Variants in NR2F1-AS1 observed in about 807,000 individuals in gnomAD.
NR2F1-AS1 encodes the protein NR2F1 antisense RNA 1.
intron 4 of NR2F1-AS1, among the ~76,000 whole-genome samples, chr5:93,473,105 G>A (rs1283066073): frequency 6.6e-6 from 1 of 151,720 alleles, no homozygotes; most frequent in Admixed American, 6.6e-5. Context: ...CAGCAAGGGT[G>A]GGCTTTTCCT....
At chr5:93,438,659 C>T (rs1257089134) in intron 4 of NR2F1-AS1, 1 of 152,172 alleles carries the variant, frequency 6.6e-6, no homozygotes. Context: ...AGGATAAAGT[C>T]CAAGCTTCTT....
chr5:93,523,394 C>G (rs1447214840), intron 4 of NR2F1-AS1, among the ~76,000 whole-genome samples: 1 of 152,176 alleles, frequency 6.6e-6, no homozygotes, highest in Non-Finnish European at 1.5e-5. Context: ...GACAGAGGAC[C>G]TGGGGGAAGT....
At position 93,552,692 on chromosome 5, in the gene NR2F1-AS1, C is replaced by T. The variant is rs1232043210; in HGVS notation, n.638+1069G>A. ...ATTACAAAAAAAAAAAAAAAGGACA[C>T]GAGCAAAGCAAGACTGTAAAGAAAA... On this transcript the variant is annotated intron_variant and non_coding_transcript_variant, in intron 4 of 5. Coordinates refer to ENST00000660523, the Ensembl canonical transcript of NR2F1-AS1. Among the ~76,000 whole-genome samples the T allele has an allele frequency of 2.0e-5, 3 of 147,692 alleles. No individual in the cohort carries two copies. The East Asian group carries it at 5.9e-4, about 29-fold the overall frequency.
intron 4 of NR2F1-AS1, chr5:93,543,770 A>G (rs1203482693): frequency 1.3e-5 from 2 of 152,226 alleles, no homozygotes; most frequent in East Asian, 3.8e-4. Flanking sequence ...GGCAGCAATC[A>G]TAATGTATTT....
chr5:93,425,920 T>C (rs377480895), intron 4 of NR2F1-AS1, among the ~76,000 whole-genome samples: 302 of 152,252 alleles, frequency 2.0e-3, no homozygotes, highest in Non-Finnish European at 3.8e-3. Flanking sequence ...TTCAATAAAT[T>C]AAATTAAATT....
intron 4 of NR2F1-AS1, among the ~76,000 whole-genome samples, chr5:93,474,188 T>G (rs765310504): frequency 3.3e-5 from 5 of 152,202 alleles, no homozygotes; most frequent in Non-Finnish European, 7.4e-5. Context: ...TCTTATCACA[T>G]GTATTACTGT....
chr5:93,530,783 T>A (rs963652855), intron 4 of NR2F1-AS1, among the ~76,000 whole-genome samples: 2 of 152,200 alleles, frequency 1.3e-5, no homozygotes, highest in Non-Finnish European at 2.9e-5. Context: ...CCATGATAGT[T>A]TGGAGCTGGA....
At chr5:93,423,858 C>T (rs966286048) in intron 4 of NR2F1-AS1, among the ~76,000 whole-genome samples, 1 of 152,214 alleles carries the variant, frequency 6.6e-6, no homozygotes, top group East Asian at 1.9e-4. Flanking sequence ...ATCTTAAAGG[C>T]CTTCACTTCT....
chr5:93,441,114 C>A (rs1219154258), intron 4 of NR2F1-AS1, among the ~76,000 whole-genome samples: 1 of 152,134 alleles, frequency 6.6e-6, no homozygotes, highest in East Asian at 1.9e-4. Context: ...AATTAATCAT[C>A]TTTTTCATGT....
intron 4 of NR2F1-AS1, among the ~76,000 whole-genome samples, chr5:93,463,033 C>G (rs1408791097): frequency 6.6e-6 from 1 of 152,122 alleles, no homozygotes; most frequent in Admixed American, 6.5e-5. Context: ...TAATGAGGAG[C>G]CAAATGTTAA....
chr5:93,564,602 A>G (rs1462078838), intron 1 of NR2F1-AS1, among the ~76,000 whole-genome samples: 1 of 152,250 alleles, frequency 6.6e-6, no homozygotes, highest in African/African-American at 2.4e-5. Context: ...GCTACTGAAT[A>G]GAAACAAGAA....
chr5:93,581,888 GTCTCTCTCTCTCTCTCTGGGTCTCTC>G (rs1753092032), upstream of NR2F1-AS1, among the ~76,000 whole-genome samples: 8 of 17,508 alleles, frequency 4.6e-4, no homozygotes, highest in Non-Finnish European at 6.1e-4. Context: ...CTCTCTCTCG[GTCTCTCTCTCTCTCTCTGGGTCTCTC>G]TCTCTCTCTC....
At chr5:93,567,184 T>C (rs1752638056) in intron 1 of NR2F1-AS1, among the ~76,000 whole-genome samples, 4 of 152,132 alleles carry the variant, frequency 2.6e-5, no homozygotes, top group Admixed American at 2.6e-4. Context: ...TCCTGAAATC[T>C]GGCACAGAAA....
chr5:93,421,432 A>G (rs1749085752), intron 4 of NR2F1-AS1, among the ~76,000 whole-genome samples: 1 of 151,552 alleles, frequency 6.6e-6, no homozygotes, highest in African/African-American at 2.4e-5. Flanking sequence ...ATTCTTTATC[A>G]GGTTTTAAGG....
intron 4 of NR2F1-AS1, among the ~76,000 whole-genome samples, chr5:93,523,672 T>C (rs1421792199): frequency 6.6e-6 from 1 of 152,200 alleles, no homozygotes; most frequent in Non-Finnish European, 1.5e-5. Flanking sequence ...CAGCAATCTT[T>C]GCTGTTCTGC....
intron 4 of NR2F1-AS1, among the ~76,000 whole-genome samples, chr5:93,424,176 T>C (rs1446827204): frequency 1.3e-5 from 2 of 152,126 alleles, no homozygotes; most frequent in East Asian, 1.9e-4. Flanking sequence ...TCTACTCTCA[T>C]GACTTCAACT....
chr5:93,573,028 A>G (rs1326795046), intron 1 of NR2F1-AS1, among the ~76,000 whole-genome samples: 1 of 152,218 alleles, frequency 6.6e-6, no homozygotes, highest in Admixed American at 6.5e-5. Context: ...AGGAGGAGTG[A>G]GAAGCGCCCT....
chr5:93,418,800 C>T (rs1445618573), intron 4 of NR2F1-AS1, among the ~76,000 whole-genome samples: 1 of 152,112 alleles, frequency 6.6e-6, no homozygotes, highest in East Asian at 1.9e-4. Flanking sequence ...ATAATTGCTA[C>T]CATTTCTTTT....
chr5:93,487,707 T>C (rs144472104), intron 4 of NR2F1-AS1, among the ~76,000 whole-genome samples: 1,901 of 152,314 alleles, frequency 0.012, 47 homozygotes, highest in African/African-American at 0.043. Context: ...TCCATCAAGC[T>C]ACCATTGACT....
Sources: gnomAD v4.1 joint callset for allele counts (sites outside exome capture counted in the v4.1 genomes callset) on GRCh38, gnomAD v4.1.1 for gene constraint, MANE v1.5 for transcripts, NCBI Gene and HGNC (gene_info 2026-07-23, HGNC 2026-07-21) for gene names.